CADPS2: variants seen among roughly 807,000 people sequenced by gnomAD.
CADPS2 encodes calcium-dependent secretion activator 2.
CADPS2 carries 93 observed loss-of-function variants against 172.5 expected under a neutral mutation model. That is an observed-to-expected ratio of 0.54 (90% CI 0.46 to 0.64). The LOEUF is 0.64. Among genes scored for constraint, CADPS2 ranks in the 30% least tolerant of loss-of-function variants. The pLI is 0.00. For synonymous variants in CADPS2, 546 were observed against 555.2 expected, an observed-to-expected ratio of 0.98 and a Z score of 0.23; for missense variants, 1,420 against 1,565.9, an observed-to-expected ratio of 0.91 and a Z score of 1.57.
intron 1 of CADPS2, among the ~76,000 whole-genome samples, chr7:122,753,047 G>T (rs1179738577): frequency 6.6e-6 from 1 of 152,096 alleles, no homozygotes; most frequent in African/African-American, 2.4e-5. Context: ...CAGATATTCT[G>T]GCAGTAGATC....
intron 5 of CADPS2, among the ~76,000 whole-genome samples, chr7:122,618,065 T>C (rs937595723): frequency 1.3e-5 from 2 of 151,618 alleles, no homozygotes; most frequent in African/African-American, 2.4e-5. Context: ...AAATCAACTA[T>C]ATTCATGCCA....
Position 122,325,470 on chromosome 7 carries a change from T to C in CADPS2, c.3717+7A>G. 6.3e-7 allele frequency: 1 copy of C among 1,577,412 alleles called. No homozygotes were observed. Among genetic ancestry groups the C allele is most frequent in the Non-Finnish European group, 8.7e-7 (1 of 1,152,124 alleles). On this transcript the variant is annotated splice_region_variant and intron_variant, in intron 29 of 29. Transcript: ENST00000449022. ...GGGCAATTCATATCTAAACACATTT[T>C]GTTTACCTTCACAATCTTGATGAGC...
At chr7:122,505,142 TAA>T (rs758442448) in intron 9 of CADPS2, among the ~76,000 whole-genome samples, 5 of 152,320 alleles carry the variant, frequency 3.3e-5, no homozygotes, top group South Asian at 2.1e-4. Context: ...TGTCATGTGT[TAA>T]AGAGTACAGA....
intron 8 of CADPS2, among the ~76,000 whole-genome samples, chr7:122,518,932 C>T (rs1410155545): frequency 6.6e-6 from 1 of 151,964 alleles, no homozygotes; most frequent in Non-Finnish European, 1.5e-5. Context: ...TAATTTCCAC[C>T]AACCTACAGA....
intron 7 of CADPS2, among the ~76,000 whole-genome samples, chr7:122,576,852 C>T (rs547372442): frequency 9.8e-4 from 149 of 151,726 alleles, no homozygotes; most frequent in African/African-American, 3.5e-3. Context: ...CTCTGCCTCC[C>T]GGGTTCAAGT....
intron 1 of CADPS2, among the ~76,000 whole-genome samples, chr7:122,845,423 G>C (rs1032534784): frequency 3.3e-5 from 5 of 152,168 alleles, no homozygotes; most frequent in African/African-American, 1.2e-4. Context: ...GCCAGAGTTG[G>C]ATGCTCTCAG....
chr7:122,885,227 T>C (rs969473602), intron 1 of CADPS2, among the ~76,000 whole-genome samples: 1 of 152,186 alleles, frequency 6.6e-6, no homozygotes, highest in Admixed American at 6.5e-5. Flanking sequence ...TGGCCAGCCT[T>C]TCACCTGAAA....
chr7:122,787,689 C>A (rs1218391311), intron 1 of CADPS2, among the ~76,000 whole-genome samples: 3 of 152,154 alleles, frequency 2.0e-5, no homozygotes, highest in Admixed American at 2.0e-4. Context: ...ACATTGTAGC[C>A]TCCCACTTCT....
intron 3 of CADPS2, among the ~76,000 whole-genome samples, chr7:122,633,489 T>G (rs1453244018): frequency 6.6e-6 from 1 of 152,184 alleles, no homozygotes; most frequent in East Asian, 1.9e-4. Context: ...TTGATTTGGC[T>G]CTCAGCTAGA....
intron 1 of CADPS2, among the ~76,000 whole-genome samples, chr7:122,848,702 C>G (rs1446639590): frequency 6.6e-6 from 1 of 152,192 alleles, no homozygotes; most frequent in African/African-American, 2.4e-5. Context: ...ATAAGTATTT[C>G]CATGTTAATG....
At chr7:122,599,126 T>C (rs543260847) in intron 6 of CADPS2, among the ~76,000 whole-genome samples, 1 of 152,190 alleles carries the variant, frequency 6.6e-6, no homozygotes, top group East Asian at 1.9e-4. Flanking sequence ...CTGCTCCTAG[T>C]AGGGACAACA....
intron 27 of CADPS2, among the ~76,000 whole-genome samples, chr7:122,348,804 CTT>C (rs968138873): frequency 3.3e-5 from 5 of 152,090 alleles, no homozygotes; most frequent in Admixed American, 1.3e-4. Context: ...CTTTAAAACA[CTT>C]TATCTTTCAT....
intron 13 of CADPS2, among the ~76,000 whole-genome samples, chr7:122,473,044 A>AGCATC (rs2056182624): frequency 6.6e-6 from 1 of 152,150 alleles, no homozygotes; most frequent in Admixed American, 6.6e-5. Flanking sequence ...CATCTGCATG[A>AGCATC]TGCTTTTAAA....
intron 2 of CADPS2, among the ~76,000 whole-genome samples, chr7:122,735,302 C>T (rs921806621): frequency 1.6e-4 from 24 of 152,014 alleles, no homozygotes; most frequent in Admixed American, 1.4e-3. Flanking sequence ...CACCATAAAC[C>T]GAATCTGTCT....
At chr7:122,580,474 A>G (rs1014076612) in intron 7 of CADPS2, among the ~76,000 whole-genome samples, 1 of 150,782 alleles carries the variant, frequency 6.6e-6, no homozygotes, top group African/African-American at 2.4e-5. Flanking sequence ...AAAACCCATT[A>G]AAAAATTCAC....
chr7:122,381,103 G>A (rs1328939343), intron 24 of CADPS2, among the ~76,000 whole-genome samples: 2 of 152,036 alleles, frequency 1.3e-5, no homozygotes, highest in South Asian at 4.1e-4. Context: ...ACTGGCTGAT[G>A]GGTAGGGTAA....
rs565034478 is a variant in CADPS2 at position 122,716,283 on chromosome 7, T to A, written c.453+20672A>T. Among the ~76,000 whole-genome samples the A allele has an allele frequency of 3.9e-5, 6 of 152,202 alleles. No homozygotes were observed. In the East Asian group the frequency reaches 1.2e-3, roughly 30 times the overall value. On this transcript the variant is annotated intron_variant, in intron 2 of 29. Transcript: ENST00000449022. ...TGCCTCGGACCTTACTGGGGTACTATCTAACATGTGGCATATGTACTATGC... is the reference window on the plus strand; with the variant it reads ...TGCCTCGGACCTTACTGGGGTACTAACTAACATGTGGCATATGTACTATGC...
chr7:122,721,776 G>A (rs979523681), intron 2 of CADPS2, among the ~76,000 whole-genome samples: 15 of 151,990 alleles, frequency 9.9e-5, no homozygotes, highest in Admixed American at 2.0e-4. Flanking sequence ...GATGAAAATC[G>A]ATGCAAAAAT....
chr7:122,575,334 G>A (rs2132654501), intron 7 of CADPS2, among the ~76,000 whole-genome samples: 1 of 152,078 alleles, frequency 6.6e-6, no homozygotes, highest in Admixed American at 6.6e-5. Flanking sequence ...AATATTGACT[G>A]CATAGCACAT....
Sources: gnomAD v4.1 joint callset for allele counts (sites outside exome capture counted in the v4.1 genomes callset) on GRCh38, gnomAD v4.1.1 for gene constraint, MANE v1.5 for transcripts, NCBI Gene and HGNC (gene_info 2026-07-23, HGNC 2026-07-21) for gene names.